The following MLEC variants were observed in gnomAD, a reference collection of about 807,000 sequenced individuals.
The protein encoded by MLEC is oligosaccharyltransferase complex subunit (non-catalytic).
MLEC carries 7 observed loss-of-function variants against 28.7 expected under a neutral mutation model. That is an observed-to-expected ratio of 0.24 (90% CI 0.14 to 0.46). MLEC has a LOEUF of 0.46. MLEC is among the 20% of genes least tolerant of loss of function. The pLI, the probability that MLEC is intolerant of heterozygous loss-of-function variation, is 0.99. For synonymous variants in MLEC, 142 were observed against 164.4 expected (o/e 0.86, Z 1.04); for missense variants, 237 against 391.1 (o/e 0.61, Z 3.32).
At chr12:120,689,859 C>T (rs1344520994) in intron 1 of MLEC, among the ~76,000 whole-genome samples, 1 of 152,204 alleles carries the variant, frequency 6.6e-6, no homozygotes, top group Non-Finnish European at 1.5e-5. Flanking sequence ...TATTTGTTAC[C>T]AAGTTAGTCC....
At chr12:120,688,725 TA>T (rs3838808) in intron 1 of MLEC, among the ~76,000 whole-genome samples, 15,255 of 152,232 alleles carry the variant, frequency 0.1, 1,976 homozygotes, top group African/African-American at 0.3. Context: ...GAGTTTGTTA[TA>T]TTAAGGAGTT....
Position 120,693,267 on chromosome 12 carries a change from T to C in MLEC, c.236-824T>C, listed in dbSNP as rs566732910. Among the ~76,000 whole-genome samples the C allele has an allele frequency of 9.8e-5, 15 of 152,388 alleles. No individual in the cohort carries two copies. The South Asian group carries it at 3.1e-3, about 32-fold the overall frequency. ...CTCCAGCCTTGTGGACAGAGTGGCA[T>C]GGCTTCACTGCTTTGCAGGCACCTC... On this transcript the variant is annotated intron_variant, in intron 1 of 4. Coordinates refer to ENST00000228506, the MANE Select transcript of MLEC (RefSeq NM_014730.4).
chr12:120,694,753 A>G lies in MLEC; in HGVS notation c.415-71A>G, dbSNP rs1461043853. The G allele has an allele frequency of 2.1e-6, 3 of 1,408,830 alleles. No individual in the cohort carries two copies. Among genetic ancestry groups the G allele is most frequent in the South Asian group, 1.3e-5 (1 of 74,576 alleles). 87.3% of individuals were successfully genotyped at this position (1,408,830 alleles called of 1,614,324 possible). A position where few individuals can be genotyped will look rare whatever the true frequency, so the allele number is the denominator to read the frequency against. On this transcript the variant is annotated intron_variant, in intron 2 of 4. Transcript: ENST00000228506. This position sits in a 1 kb window ranked among gnomAD's most constrained non-coding sequence, Gnocchi z 4.5. ...TTGAACTTCAAGCCCAAACACGTGC[A>G]TGATGTCCAACTGCTTGAAAGGATG...
intron 4 of MLEC, 43 bp downstream of exon 4, chr12:120,695,195 A>G: frequency 6.2e-7 from 1 of 1,609,460 alleles, no homozygotes; most frequent in Non-Finnish European, 8.5e-7. Context: ...GAGTGGAGGG[A>G]TATGGTTGAG....
intron 1 of MLEC, among the ~76,000 whole-genome samples, chr12:120,693,303 A>G (rs915529863): frequency 6.6e-6 from 1 of 152,178 alleles, no homozygotes; most frequent in African/African-American, 2.4e-5. Flanking sequence ...CTTCATTGTC[A>G]TTTATTCATT....
rs1050775153 is a variant in MLEC at position 120,687,396 on chromosome 12, G to C, written c.100G>C (p.Ala34Pro). 4 of 1,378,400 alleles carry C rather than the reference G, an allele frequency of 2.9e-6. No individual in the cohort carries two copies. The highest frequency in any genetic ancestry group is 3.7e-6 in the Non-Finnish European group (4 of 1,068,542). 85.4% of individuals were successfully genotyped at this position (1,378,400 alleles called of 1,614,324 possible). Reference sequence around the variant, plus strand: ...GATCCGGGGACCCGGGCTCGGCGTGGCCGGCGTGGCCGGCGCGGCGGGGGC... The same window carrying C: ...GATCCGGGGACCCGGGCTCGGCGTGCCCGGCGTGGCCGGCGCGGCGGGGGC... Reference protein sequence around the residue: ...PAIRGPGLGVAGVAGAAGAGL... With the variant: ...PAIRGPGLGVPGVAGAAGAGL... Residue 34 changes from alanine to proline, a missense_variant, in exon 1 of 5, where the codon GCC becomes CCC. Physicochemically the swap from Ala to Pro is conservative, Grantham distance 27. Transcript: ENST00000228506. The surrounding 1 kb of genome is among the most constrained non-coding windows in gnomAD (Gnocchi z 8.1).
At chr12:120,688,355 C>T (rs527646520) in intron 1 of MLEC, among the ~76,000 whole-genome samples, 2 of 152,346 alleles carry the variant, frequency 1.3e-5, no homozygotes, top group South Asian at 2.1e-4. Flanking sequence ...AATGCAGATT[C>T]CTAGTCCCCA....
chr12:120,694,282 C>T lies in MLEC; in HGVS notation c.414+13C>T, dbSNP rs754679497. 5.6e-6 allele frequency: 9 copies of T among 1,612,010 alleles called. No homozygotes were observed. The highest frequency in any genetic ancestry group is 1.3e-5 in the African/African-American group (1 of 75,016). ...GTCCCAGCAAAAGGTGAGGCCTAGT[C>T]AGGCTGCTGCTTGACCAGTAGGACA... On this transcript the variant is annotated intron_variant, in intron 2 of 4. Coordinates refer to ENST00000228506, the MANE Select transcript of MLEC (RefSeq NM_014730.4). This position sits in a 1 kb window ranked among gnomAD's most constrained non-coding sequence, Gnocchi z 4.5.
rs989571851 is a variant in MLEC at position 120,687,824 on chromosome 12, C to T, written c.235+293C>T. On this transcript the variant is annotated intron_variant, in intron 1 of 4. Transcript: ENST00000228506. This position sits in a 1 kb window ranked among gnomAD's most constrained non-coding sequence, Gnocchi z 8.1. ...CAAGCTGGGAGAGAAATGACGAAGG[C>T]GGCCTTTTGCTACCTCCAGGCCTCG... Among the ~76,000 whole-genome samples the T allele has an allele frequency of 6.6e-6, 1 of 152,168 alleles. No individual in the cohort carries two copies. Among genetic ancestry groups the T allele is most frequent in the Non-Finnish European group, 1.5e-5 (1 of 68,032 alleles).
rs771063037 is a variant in MLEC, at chr12:120,696,325, A to G, written c.659A>G (p.Lys220Arg). The change falls in exon 5 of 5, where the codon AAG becomes AGG. Residue 220 changes from lysine to arginine, a missense_variant. Lys to Arg is a conservative substitution (Grantham distance 26). Transcript: ENST00000228506. The surrounding 1 kb of genome is among the most constrained non-coding windows in gnomAD (Gnocchi z 5.4). ...IMAGTVDDVP[K>R]LQPHPGLEKK... The stretch of plus-strand genomic sequence containing the variant: ...TTCTTCCTTGTGTTAGATGTACCAA[A>G]GCTTCAGCCTCATCCGGGATTGGAG... The G allele has an allele frequency of 1.2e-6, 2 of 1,614,116 alleles. No homozygotes were observed. The highest frequency in any genetic ancestry group is 8.5e-7 in the Non-Finnish European group (1 of 1,180,024).
At chr12:120,688,958 G>A (rs1881932902) in intron 1 of MLEC, among the ~76,000 whole-genome samples, 1 of 152,264 alleles carries the variant, frequency 6.6e-6, no homozygotes, top group Non-Finnish European at 1.5e-5. Flanking sequence ...TTCTTCACGA[G>A]TGTGGGCAGG....
Position 120,694,761 on chromosome 12 carries a change from C to A in MLEC, c.415-63C>A. The A allele has an allele frequency of 6.8e-7, 1 of 1,470,488 alleles. No individual in the cohort carries two copies. Among genetic ancestry groups the A allele is most frequent in the Admixed American group, 2.0e-5 (1 of 50,066 alleles). 91.1% of individuals were successfully genotyped at this position (1,470,488 alleles called of 1,614,324 possible). A position where few individuals can be genotyped will look rare whatever the true frequency, so the allele number is the denominator to read the frequency against. ...CAAGCCCAAACACGTGCATGATGTC[C>A]AACTGCTTGAAAGGATGTAAAGCTG... On this transcript the variant is annotated intron_variant, in intron 2 of 4. Transcript: ENST00000228506. This position sits in a 1 kb window ranked among gnomAD's most constrained non-coding sequence, Gnocchi z 4.5.
chr12:120,691,500 C>T (rs1218745502), intron 1 of MLEC, among the ~76,000 whole-genome samples: 2 of 152,260 alleles, frequency 1.3e-5, no homozygotes, highest in African/African-American at 2.4e-5. Flanking sequence ...AAAGAGCAGA[C>T]ATAATGTAGG....
intron 1 of MLEC, among the ~76,000 whole-genome samples, chr12:120,692,660 C>T (rs1392514181): frequency 3.3e-5 from 5 of 149,978 alleles, no homozygotes; most frequent in Non-Finnish European, 7.4e-5. Context: ...AGATAAAGCT[C>T]TGGGGATGAC....
Position 120,694,970 on chromosome 12 carries a change from C to G in MLEC, c.561C>G (p.Phe187Leu). 6.2e-7 allele frequency: 1 copy of G among 1,614,138 alleles called. No individual in the cohort carries two copies. Among genetic ancestry groups the G allele is most frequent in the Non-Finnish European group, 8.5e-7 (1 of 1,180,026 alleles). The change falls in exon 3 of 5, where the codon TTC becomes TTG. Residue 187 changes from phenylalanine (F) to leucine (L), a missense_variant. Transcript: ENST00000228506. The surrounding 1 kb of genome is among the most constrained non-coding windows in gnomAD (Gnocchi z 4.5). Reference protein sequence around the residue: ...KLSVQGEVSTFTGKLYIEFVK... With the variant: ...KLSVQGEVSTLTGKLYIEFVK... ...GTGTCCAGGGGGAGGTGTCCACCTT[C>G]ACAGGGAAACTCTACATTGAGTTTG...
rs1244572361 is a variant in MLEC, at chr12:120,699,053, G to GT, written c.*2515dup. On this transcript the variant is annotated 3_prime_UTR_variant, in exon 5 of 5. Coordinates refer to ENST00000228506, the MANE Select transcript of MLEC (RefSeq NM_014730.4). ...CTGGCTCATGATGCTGAACTTGAAA[G>GT]TTTTTTTGTTTTTGTTTTTGTTTTG... 7.2e-5 allele frequency: 11 copies of GT among 152,636 alleles called. No individual in the cohort carries two copies. The allele number at this position is 152,636 out of a possible 1,614,324, so 9.5% of individuals were successfully genotyped here.
intron 1 of MLEC, among the ~76,000 whole-genome samples, chr12:120,689,595 G>C (rs1014995485): frequency 6.6e-6 from 1 of 152,178 alleles, no homozygotes. Flanking sequence ...GCTGAGATGC[G>C]CATAAGCTTG....
intron 1 of MLEC, among the ~76,000 whole-genome samples, chr12:120,691,451 T>C (rs918337541): frequency 3.9e-5 from 6 of 152,236 alleles, no homozygotes; most frequent in Non-Finnish European, 7.3e-5. Flanking sequence ...TGTGCTGAAT[T>C]TTCCAAGGAG....
At chr12:120,693,018 T>C (rs1285178150) in intron 1 of MLEC, among the ~76,000 whole-genome samples, 1 of 152,122 alleles carries the variant, frequency 6.6e-6, no homozygotes, top group East Asian at 1.9e-4. Flanking sequence ...GTCAGGAGTT[T>C]AGTGTGTTGT....
Sources: gnomAD v4.1 joint callset for allele counts (sites outside exome capture counted in the v4.1 genomes callset) on GRCh38, gnomAD v4.1.1 for gene constraint, Gnocchi (gnomAD v3.1) non-coding constraint, MANE v1.5 for transcripts, NCBI Gene and HGNC (gene_info 2026-07-23, HGNC 2026-07-21) for gene names.